The following NR2F1-AS1 variants were observed in gnomAD, a reference collection of about 807,000 sequenced individuals.
NR2F1-AS1 encodes the protein NR2F1 regulatory antisense RNA 1.
intron 4 of NR2F1-AS1, among the ~76,000 whole-genome samples, chr5:93,507,322 T>TG: frequency 7.2e-6 from 1 of 139,640 alleles, no homozygotes; most frequent in Non-Finnish European, 1.6e-5. Context: ...TTTTGGGATT[T>TG]GGGGTTTTTT....
At chr5:93,581,678 CT>C (rs1753041994), upstream of NR2F1-AS1, among the ~76,000 whole-genome samples, 1 of 35,426 alleles carries the variant, frequency 2.8e-5, no homozygotes, top group East Asian at 7.7e-4. Context: ...GTCTCTCTCT[CT>C]CTCTCTCTCT....
chr5:93,427,426 C>T (rs1429847713), intron 4 of NR2F1-AS1, among the ~76,000 whole-genome samples: 1 of 152,190 alleles, frequency 6.6e-6, no homozygotes, highest in East Asian at 1.9e-4. Context: ...CCCTGAAACA[C>T]TTCTGCACTT....
At chr5:93,552,490 A>C (rs1276465875) in intron 4 of NR2F1-AS1, among the ~76,000 whole-genome samples, 3 of 152,138 alleles carry the variant, frequency 2.0e-5, no homozygotes, top group African/African-American at 7.2e-5. Context: ...TCTTTCAAAA[A>C]CATTTCATAT....
At chr5:93,537,633 A>G (rs77815664) in intron 4 of NR2F1-AS1, among the ~76,000 whole-genome samples, 2,569 of 152,286 alleles carry the variant, frequency 0.017, 77 homozygotes, top group African/African-American at 0.059. Context: ...TAGAATGACT[A>G]TTTTCAAAAA....
intron 4 of NR2F1-AS1, among the ~76,000 whole-genome samples, chr5:93,418,078 A>G (rs1245338010): frequency 6.6e-6 from 1 of 152,168 alleles, no homozygotes; most frequent in Non-Finnish European, 1.5e-5. Flanking sequence ...AAGCAAAGCA[A>G]TCCAGGTAAA....
chr5:93,443,125 C>T (rs1488042805), intron 4 of NR2F1-AS1, among the ~76,000 whole-genome samples: 1 of 152,208 alleles, frequency 6.6e-6, no homozygotes. Flanking sequence ...TTCTAAAAAT[C>T]AGAGTGCCTC....
At chr5:93,433,759 T>C (rs1022403841) in intron 4 of NR2F1-AS1, among the ~76,000 whole-genome samples, 2 of 152,214 alleles carry the variant, frequency 1.3e-5, no homozygotes, top group Non-Finnish European at 2.9e-5. Context: ...AAAGTCACTA[T>C]GACCTTGTCA....
At chr5:93,409,722 T>C (rs1286925398) in intron 4 of NR2F1-AS1, 2 of 152,198 alleles carry the variant, frequency 1.3e-5, no homozygotes, top group Admixed American at 6.5e-5. Flanking sequence ...CAAATAATAT[T>C]TTTTTAGAAA....
At chr5:93,534,082 C>T (rs1323738630) in intron 4 of NR2F1-AS1, among the ~76,000 whole-genome samples, 1 of 152,144 alleles carries the variant, frequency 6.6e-6, no homozygotes, top group Non-Finnish European at 1.5e-5. Flanking sequence ...GTCACAACAA[C>T]AACAAAATAA....
intron 4 of NR2F1-AS1, among the ~76,000 whole-genome samples, chr5:93,478,512 T>C (rs1434918361): frequency 1.1e-4 from 16 of 152,150 alleles, no homozygotes; most frequent in Non-Finnish European, 4.4e-5. Context: ...CGAGCAATTA[T>C]CCTGCTTCAG....
intron 4 of NR2F1-AS1, among the ~76,000 whole-genome samples, chr5:93,535,120 A>G (rs1456368895): frequency 2.6e-5 from 4 of 151,920 alleles, no homozygotes; most frequent in African/African-American, 9.7e-5. Context: ...GATTTTACAA[A>G]GCTATCCTTA....
intron 4 of NR2F1-AS1, among the ~76,000 whole-genome samples, chr5:93,494,288 G>A (rs1750913229): frequency 6.6e-6 from 1 of 152,072 alleles, no homozygotes; most frequent in Non-Finnish European, 1.5e-5. Flanking sequence ...AATGCAGAAT[G>A]AGATGCCATT....
intron 4 of NR2F1-AS1, among the ~76,000 whole-genome samples, chr5:93,467,201 T>C (rs1561453176): frequency 1.3e-5 from 2 of 152,186 alleles, no homozygotes; most frequent in South Asian, 2.1e-4. Context: ...AAAATGTCCA[T>C]ATTGCCCAAA....
At chr5:93,468,269 CAACA>C (rs1750284933) in intron 4 of NR2F1-AS1, among the ~76,000 whole-genome samples, 1 of 152,178 alleles carries the variant, frequency 6.6e-6, no homozygotes, top group African/African-American at 2.4e-5. Context: ...ACACTCCCAC[CAACA>C]GTGTAAAAGC....
chr5:93,450,323 T>C (rs1749799458), intron 4 of NR2F1-AS1, among the ~76,000 whole-genome samples: 1 of 152,196 alleles, frequency 6.6e-6, no homozygotes, highest in African/African-American at 2.4e-5. Flanking sequence ...TCATAAAAAG[T>C]TTATTTTATA....
In NR2F1-AS1 at chr5:93,515,276, A is replaced by G. The variant is rs991278613; in HGVS notation, n.638+38485T>C. On this transcript the variant is annotated intron_variant and non_coding_transcript_variant, in intron 4 of 5. Coordinates refer to ENST00000660523, the Ensembl canonical transcript of NR2F1-AS1. ...CAAAATTGCTTAAGTTTACCTAGCT[A>G]ATTATGGGTGGGATAGTTACTCCTG... Among the ~76,000 whole-genome samples, 14 of 151,926 alleles carry G rather than the reference A, an allele frequency of 9.2e-5. 1 individual carries two copies. The highest frequency in any genetic ancestry group is 2.1e-4 in the Non-Finnish European group (14 of 67,846).
At chr5:93,481,217 T>A (rs1182121504) in intron 4 of NR2F1-AS1, among the ~76,000 whole-genome samples, 2 of 152,046 alleles carry the variant, frequency 1.3e-5, no homozygotes, top group African/African-American at 2.4e-5. Flanking sequence ...CCAGGCTGGC[T>A]ATACTGATAT....
chr5:93,585,154 C>A, upstream of NR2F1-AS1: 1 of 1,163,112 alleles, frequency 8.6e-7, no homozygotes, highest in Non-Finnish European at 1.1e-6. Flanking sequence ...CAGCAGCAGG[C>A]GGGCTCGGGC....
intron 4 of NR2F1-AS1, among the ~76,000 whole-genome samples, chr5:93,537,715 T>C (rs1180468651): frequency 1.3e-5 from 2 of 152,094 alleles, no homozygotes; most frequent in Non-Finnish European, 2.9e-5. Flanking sequence ...TGTAAATTAG[T>C]AGTCATTATA....
Sources: gnomAD v4.1 joint callset for allele counts (sites outside exome capture counted in the v4.1 genomes callset) on GRCh38, gnomAD v4.1.1 for gene constraint, MANE v1.5 for transcripts, NCBI Gene and HGNC (gene_info 2026-07-23, HGNC 2026-07-21) for gene names.